TMEM151A: variants seen among roughly 807,000 people sequenced by gnomAD.
The protein encoded by TMEM151A is transmembrane protein 151A, also known as transmembrane protein 151.
TMEM151A carries 21 observed loss-of-function variants against 33.7 expected under a neutral mutation model. That is an observed-to-expected ratio of 0.62 (90% CI 0.44 to 0.90). The LOEUF is 0.90. Ranked by LOEUF, TMEM151A falls within the 40% of genes least tolerant of loss-of-function variation. TMEM151A has a pLI of 0.00. For missense variants in TMEM151A, 704 were observed against 697.7 expected (o/e 1.01, Z -0.10); for synonymous variants, 374 against 330.3 (o/e 1.13, Z -1.43).
In TMEM151A at chr11:66,294,518, C is replaced by A; in HGVS notation, c.272C>A (p.Ala91Asp). ...GGGGGCCCGCCACCGACCTACCCGG[C>A]CAGCCCCTGCTCCGATGGCTACCTG... ...GAGGPPPTYP[A>D]SPCSDGYLYI... The change falls in exon 2 of 2, where the codon GCC becomes GAC. Residue 91 changes from alanine to aspartate, a missense_variant. Ala to Asp is a moderately radical substitution (Grantham distance 126). Around this residue, in one of 3 missense-constraint regions of TMEM151A, gnomAD observed 301 missense variants for 323.4 expected, o/e 0.93. Coordinates refer to ENST00000327259, the MANE Select transcript of TMEM151A (RefSeq NM_153266.4). 6.2e-7 allele frequency: 1 copy of A among 1,609,890 alleles called. No homozygotes were observed. Among genetic ancestry groups the A allele is most frequent in the East Asian group, 2.2e-5 (1 of 44,718 alleles).
In TMEM151A at chr11:66,292,223, G is replaced by A. The variant is rs1376088856; in HGVS notation, c.75+135G>A. 6.6e-6 allele frequency: 5 copies of A among 760,356 alleles called. No individual in the cohort carries two copies. The highest frequency in any genetic ancestry group is 9.5e-6 in the Non-Finnish European group (5 of 525,912). The allele number at this position is 760,356 out of a possible 1,614,324, so 47.1% of individuals were successfully genotyped here. A position where few individuals can be genotyped will look rare whatever the true frequency, so the allele number is the denominator to read the frequency against. Reference sequence around the variant, plus strand: ...GCCAATGACGTCATTGGGGTCACCTGCGCCCTGCCAAGGGTCCAGGGGCCC... The same window carrying A: ...GCCAATGACGTCATTGGGGTCACCTACGCCCTGCCAAGGGTCCAGGGGCCC... On this transcript the variant is annotated intron_variant, in intron 1 of 1. Transcript: ENST00000327259. The surrounding 1 kb of genome is among the most constrained non-coding windows in gnomAD (Gnocchi z 4.7).
chr11:66,294,123 G>C (rs1009249300), intron 1 of TMEM151A, among the ~76,000 whole-genome samples, 199 bp from the exon 2 acceptor site: 9 of 152,222 alleles, frequency 5.9e-5, no homozygotes, highest in African/African-American at 2.2e-4. Flanking sequence ...AGCGAGTCCT[G>C]GGTTTGAATA....
Position 66,295,117 on chromosome 11 carries a change from G to T in TMEM151A, c.871G>T (p.Val291Leu). 1.3e-6 allele frequency: 2 copies of T among 1,586,498 alleles called. No individual in the cohort carries two copies. The highest frequency in any genetic ancestry group is 2.3e-5 in the East Asian group (1 of 44,030). ...WYARAWVFWLVSAATLSWPLR... is the reference protein window; with the variant it reads ...WYARAWVFWLLSAATLSWPLR... ...CGCGCGCGCCTGGGTCTTCTGGCTCGTGTCGGCGGCCACGCTGTCGTGGCC... is the reference window on the plus strand; with the variant it reads ...CGCGCGCGCCTGGGTCTTCTGGCTCTTGTCGGCGGCCACGCTGTCGTGGCC... Residue 291 changes from valine to leucine, a missense_variant, in exon 2 of 2, where the codon GTG (valine) becomes TTG (leucine). Coordinates refer to ENST00000327259, the MANE Select transcript of TMEM151A (RefSeq NM_153266.4).
Position 66,292,359 on chromosome 11 carries a change from A to T in TMEM151A, c.75+271A>T, listed in dbSNP as rs1846490289. On this transcript the variant is annotated intron_variant, in intron 1 of 1. Coordinates refer to ENST00000327259, the MANE Select transcript of TMEM151A (RefSeq NM_153266.4). This position sits in a 1 kb window ranked among gnomAD's most constrained non-coding sequence, Gnocchi z 4.7. ...CCTGTGACGTCAGTGCCTGGCCCCCACGCGTCCCAGTGCCGCAGCGCAGCG... is the reference window on the plus strand; with the variant it reads ...CCTGTGACGTCAGTGCCTGGCCCCCTCGCGTCCCAGTGCCGCAGCGCAGCG... Among the ~76,000 whole-genome samples, 1 of 151,966 alleles carries T rather than the reference A, an allele frequency of 6.6e-6. No individual in the cohort carries two copies. The highest frequency in any genetic ancestry group is 2.4e-5 in the African/African-American group (1 of 41,346).
chr11:66,291,961 C>G lies in TMEM151A; in HGVS notation c.-53C>G, dbSNP rs1857459412. 8 of 1,435,212 alleles carry G rather than the reference C, an allele frequency of 5.6e-6. No homozygotes were observed. The East Asian group carries it at 2.4e-4, about 43-fold the overall frequency. The allele number at this position is 1,435,212 out of a possible 1,614,324, so 88.9% of individuals were successfully genotyped here. ...GGCCGCGTCGCAGCCCTCCGTGCTC[C>G]CCCCTATCATGCCCGGTGCCCAGGC... On this transcript the variant is annotated 5_prime_UTR_variant, in exon 1 of 2. Transcript: ENST00000327259.
rs767114809 is a variant in TMEM151A, at chr11:66,294,472, G to T, written c.226G>T (p.Ala76Ser). ...TVPRLVLGPE[A>S]ALARGAGGPP... ...GCCGCGGCTGGTCCTGGGGCCCGAG[G>T]CCGCCTTGGCCCGGGGAGCCGGGGG... The change falls in exon 2 of 2, where the codon GCC becomes TCC. Residue 76 changes from alanine to serine, a missense_variant. Transcript: ENST00000327259. 1 of 1,605,964 alleles carries T rather than the reference G, an allele frequency of 6.2e-7. No homozygotes were observed.
chr11:66,292,101 G>GT lies in TMEM151A; in HGVS notation c.75+13_75+14insT. The GT allele has an allele frequency of 6.9e-7, 1 of 1,446,702 alleles. No homozygotes were observed. The highest frequency in any genetic ancestry group is 1.5e-5 in the African/African-American group (1 of 67,136). 89.6% of individuals were successfully genotyped at this position (1,446,702 alleles called of 1,614,324 possible). A position where few individuals can be genotyped will look rare whatever the true frequency, so the allele number is the denominator to read the frequency against. ...GCTGCGGGAAGAGGTACCGGCGCTG[G>GT]GGGGGCCGGAGCCGGGCCTGGGGCG... On this transcript the variant is annotated intron_variant, in intron 1 of 1. Transcript: ENST00000327259. The surrounding 1 kb of genome is among the most constrained non-coding windows in gnomAD (Gnocchi z 4.7).
In TMEM151A at chr11:66,294,351, C is replaced by T. The variant is rs148854350; in HGVS notation, c.105C>T (p.Ser35=). 2 of 1,610,096 alleles carry T rather than the reference C, an allele frequency of 1.2e-6. No homozygotes were observed. Among genetic ancestry groups the T allele is most frequent in the South Asian group, 2.2e-5 (2 of 91,088 alleles). ...GGCCCCTGAAACAGTCCCTGGGAAG[C>T]TCCCTGTGCCGCGAGTCGCACTGGA... ...EQRPLKQSLG[S]SLCRESHWKC... The change falls in exon 2 of 2, where the codon AGC becomes AGT. Residue 35 remains serine (S), a synonymous_variant. Coordinates refer to ENST00000327259, the MANE Select transcript of TMEM151A (RefSeq NM_153266.4).
chr11:66,294,810 G>C lies in TMEM151A; in HGVS notation c.564G>C (p.Thr188=). The change falls in exon 2 of 2, where the codon ACG becomes ACC. Residue 188 remains threonine (T), a synonymous_variant. Transcript: ENST00000327259. Reference sequence around the variant, plus strand: ...ACCATGAGCGCGCTGACAGCCGCACGGCCCGCGGCGAGTTTGACTACTCGG... The same window carrying C: ...ACCATGAGCGCGCTGACAGCCGCACCGCCCGCGGCGAGTTTGACTACTCGG... ...QVYHERADSR[T]ARGEFDYSAH... is the part of the protein sequence containing the mutation. 1 of 1,542,096 alleles carries C rather than the reference G, an allele frequency of 6.5e-7. No individual in the cohort carries two copies. The highest frequency in any genetic ancestry group is 8.7e-7 in the Non-Finnish European group (1 of 1,146,378).
chr11:66,293,105 G>A, intron 1 of TMEM151A, among the ~76,000 whole-genome samples: 1 of 152,106 alleles, frequency 6.6e-6, no homozygotes, highest in Non-Finnish European at 1.5e-5. Context: ...GTGACAGGCA[G>A]TGTGGCCCTC....
In TMEM151A at chr11:66,292,597, C is replaced by G. The variant is rs1449802510; in HGVS notation, c.75+509C>G. On this transcript the variant is annotated intron_variant, in intron 1 of 1. Coordinates refer to ENST00000327259, the MANE Select transcript of TMEM151A (RefSeq NM_153266.4). This position sits in a 1 kb window ranked among gnomAD's most constrained non-coding sequence, Gnocchi z 4.7. ...TTCTGCTGGCTGGGACCCCCGACGG[C>G]CCCTCCTCAGCCCTAGCCAGGAAGG... Among the ~76,000 whole-genome samples, 1 of 152,230 alleles carries G rather than the reference C, an allele frequency of 6.6e-6. No individual in the cohort carries two copies. The highest frequency in any genetic ancestry group is 2.4e-5 in the African/African-American group (1 of 41,454).
At position 66,293,327 on chromosome 11, in the gene TMEM151A, C is replaced by T. The variant is rs563702617; in HGVS notation, c.76-995C>T. Among the ~76,000 whole-genome samples, 12 of 152,180 alleles carry T rather than the reference C, an allele frequency of 7.9e-5. No individual in the cohort carries two copies. The East Asian group carries it at 2.1e-3, about 27-fold the overall frequency. Reference sequence around the variant, plus strand: ...GTAGGAGAGGTGGCCCCTTAACCCCCCTTTTGTTGTTTCCACTTTTTTCCT... The same window carrying T: ...GTAGGAGAGGTGGCCCCTTAACCCCTCTTTTGTTGTTTCCACTTTTTTCCT... On this transcript the variant is annotated intron_variant, in intron 1 of 1. Transcript: ENST00000327259.
chr11:66,292,052 CG>C lies in TMEM151A; in HGVS notation c.40del (p.Ala14ArgfsTer16). 1 of 1,493,924 alleles carries C rather than the reference CG, an allele frequency of 6.7e-7. No homozygotes were observed. The highest frequency in any genetic ancestry group is 1.2e-5 in the South Asian group (1 of 80,186). The allele number at this position is 1,493,924 out of a possible 1,614,324, so 92.5% of individuals were successfully genotyped here. On this transcript the variant is annotated frameshift_variant, in exon 1 of 2. Coordinates refer to ENST00000327259, the MANE Select transcript of TMEM151A (RefSeq NM_153266.4). LOFTEE classifies it high-confidence loss of function. This position sits in a 1 kb window ranked among gnomAD's most constrained non-coding sequence, Gnocchi z 4.7. ...GCGCTGGCGACGGCGGGGAGGTGCCCGCGCTCATCCCGGACGGCGAGCCGCT... is the reference window on the plus strand; with the variant it reads ...GCGCTGGCGACGGCGGGGAGGTGCCCCGCTCATCCCGGACGGCGAGCCGCT... ...DGAGDGGEVP[A>X]LIPDGEPLRE...
rs764030732 is a variant in TMEM151A, at chr11:66,295,083, G to A, written c.837G>A (p.Pro279=). ...SLMVFADPRS[P]PWYARAWVFW... ...TGGTCTTCGCCGACCCCCGCAGCCC[G>A]CCCTGGTACGCGCGCGCCTGGGTCT... Residue 279 remains proline, a synonymous_variant, in exon 2 of 2, where the codon CCG becomes CCA. Transcript: ENST00000327259. The A allele has an allele frequency of 6.3e-7, 1 of 1,596,680 alleles. No individual in the cohort carries two copies. The highest frequency in any genetic ancestry group is 8.5e-7 in the Non-Finnish European group (1 of 1,178,062).
At position 66,294,364 on chromosome 11, in the gene TMEM151A, G is replaced by T; in HGVS notation, c.118G>T (p.Glu40Ter). 1.2e-6 allele frequency: 2 copies of T among 1,610,752 alleles called. No individual in the cohort carries two copies. The highest frequency in any genetic ancestry group is 1.7e-6 in the Non-Finnish European group (2 of 1,179,902). Reference protein sequence around the residue: ...KQSLGSSLCRESHWKCLLLTL... With the variant: ...KQSLGSSLCR ...GTCCCTGGGAAGCTCCCTGTGCCGC[G>T]AGTCGCACTGGAAGTGCCTGCTCCT... is the stretch of plus-strand genomic sequence containing the variant. Residue 40 changes from glutamate to a stop codon, truncating the protein, a stop_gained, in exon 2 of 2, where the codon GAG (glutamate) becomes TAG (stop). Coordinates refer to ENST00000327259, the MANE Select transcript of TMEM151A (RefSeq NM_153266.4). LOFTEE classifies it high-confidence loss of function.
chr11:66,294,537 C>T lies in TMEM151A; in HGVS notation c.291C>T (p.Gly97=). Residue 97 remains glycine, a synonymous_variant, in exon 2 of 2, where the codon GGC becomes GGT. Transcript: ENST00000327259. ...PTYPASPCSD[G]YLYIPLAFVS... is the part of the protein sequence containing the mutation. ...ACCCGGCCAGCCCCTGCTCCGATGG[C>T]TACCTGTACATCCCGCTGGCCTTCG... The T allele has an allele frequency of 6.2e-7, 1 of 1,612,686 alleles. No individual in the cohort carries two copies. Among genetic ancestry groups the T allele is most frequent in the Non-Finnish European group, 8.5e-7 (1 of 1,179,412 alleles).
In TMEM151A at chr11:66,295,782, G is replaced by T; in HGVS notation, c.*129G>T. 1 of 887,300 alleles carries T rather than the reference G, an allele frequency of 1.1e-6. No individual in the cohort carries two copies. Among genetic ancestry groups the T allele is most frequent in the South Asian group, 3.1e-5 (1 of 32,330 alleles). 55.0% of individuals were successfully genotyped at this position (887,300 alleles called of 1,614,324 possible). On this transcript the variant is annotated 3_prime_UTR_variant, in exon 2 of 2. Coordinates refer to ENST00000327259, the MANE Select transcript of TMEM151A (RefSeq NM_153266.4). ...CACACAAGGGGCAGGGGTGAGGGTG[G>T]GGGTGGGGGTCCTTAAACAGACTAA... is the stretch of plus-strand genomic sequence containing the variant.
chr11:66,294,614 G>A lies in TMEM151A; in HGVS notation c.368G>A (p.Arg123Gln), dbSNP rs566676531. The A allele has an allele frequency of 6.8e-6, 11 of 1,612,216 alleles. No individual in the cohort carries two copies. Among genetic ancestry groups the A allele is most frequent in the Admixed American group, 6.7e-5 (4 of 59,908 alleles). The change falls in exon 2 of 2, where the codon CGG becomes CAG. Residue 123 changes from arginine to glutamine, a missense_variant. Arg to Gln is a conservative substitution (Grantham distance 43). Coordinates refer to ENST00000327259, the MANE Select transcript of TMEM151A (RefSeq NM_153266.4). ...GCTGAGTGCTGGCACTGTCACGTGC[G>A]GTCCTGCCAGGCGCCACGCACCGAC... ...YLAECWHCHV[R>Q]SCQAPRTDAH...
rs1363538671 is a variant in TMEM151A at position 66,295,626 on chromosome 11, C to T, written c.1380C>T (p.Cys460=). The change falls in exon 2 of 2, where the codon TGC becomes TGT. Residue 460 remains cysteine (C), a synonymous_variant. Transcript: ENST00000327259. Reference sequence around the variant, plus strand: ...TCATTGTCCACGGAGACAGCGGCTGCCAGGGGGATGGGCAGGGTGCTCTCT... The same window carrying T: ...TCATTGTCCACGGAGACAGCGGCTGTCAGGGGGATGGGCAGGGTGCTCTCT... ...PVLIVHGDSG[C]QGDGQGAL 1.3e-6 allele frequency: 2 copies of T among 1,546,046 alleles called. No individual in the cohort carries two copies. Among genetic ancestry groups the T allele is most frequent in the Admixed American group, 3.9e-5 (2 of 51,282 alleles).
Sources: allele counts gnomAD v4.1 joint callset (sites outside exome capture counted in the v4.1 genomes callset), GRCh38; gene constraint gnomAD v4.1.1; regional missense constraint gnomAD v4.1.1; non-coding constraint Gnocchi (gnomAD v3.1); transcripts MANE v1.5; gene names NCBI Gene and HGNC (gene_info 2026-07-23, HGNC 2026-07-21).